Variants in ZBTB40 observed in about 807,000 individuals in gnomAD.
ZBTB40 encodes the protein zinc finger and BTB domain containing 40.
Under a neutral mutation model 117.5 loss-of-function variants are expected in ZBTB40, and 60 were observed. That is an observed-to-expected ratio of 0.51 (90% CI 0.41 to 0.63). The LOEUF is 0.63. Ranked by LOEUF, ZBTB40 falls within the 30% of genes least tolerant of loss-of-function variation. The pLI is 0.00. For missense variants in ZBTB40, 1,287 were observed against 1,498.5 expected (o/e 0.86, Z 2.33); for synonymous variants, 525 against 577.1 (o/e 0.91, Z 1.29).
In ZBTB40 at chr1:22,522,384, G is replaced by C. The variant is rs1366081174; in HGVS notation, c.3219G>C (p.Lys1073Asn). Residue 1073 changes from lysine to asparagine, a missense_variant, in exon 16 of 18, where the codon AAG becomes AAC. Physicochemically the swap from Lys to Asn is moderately conservative, Grantham distance 94 (BLOSUM62 0). Transcript: ENST00000375647. ...TCTTTATGCACTTCACAGATATGAA[G>C]TTCCATGAATGTGACCAGTGTAAGG... ...KHIKAEHADM[K>N]FHECDQCKEL... is the part of the protein sequence containing the mutation. 3 of 1,614,062 alleles carry C rather than the reference G, an allele frequency of 1.9e-6. No individual in the cohort carries two copies. In the African/African-American group the frequency reaches 4.0e-5, roughly 22 times the overall value.
chr1:22,471,775 C>T (rs1208688955), intron 1 of ZBTB40, among the ~76,000 whole-genome samples: 1 of 152,208 alleles, frequency 6.6e-6, no homozygotes, highest in Admixed American at 6.5e-5. Context: ...ACACATGACA[C>T]CTGACAGTGG....
intron 1 of ZBTB40, among the ~76,000 whole-genome samples, chr1:22,436,436 C>T (rs1023936292): frequency 7.2e-5 from 11 of 152,188 alleles, no homozygotes; most frequent in East Asian, 3.9e-4. Flanking sequence ...CGCTTGAACC[C>T]GGGAGGCGGA....
At chr1:22,450,810 C>CA (rs140776404), upstream of ZBTB40, among the ~76,000 whole-genome samples, 1,353 of 152,234 alleles carry the variant, frequency 8.9e-3, 10 homozygotes, top group African/African-American at 0.031. Context: ...AGACAGCTCT[C>CA]AGAACGACTG....
At chr1:22,438,835 T>G (rs375114190) in intron 1 of ZBTB40, among the ~76,000 whole-genome samples, 9 of 152,266 alleles carry the variant, frequency 5.9e-5, no homozygotes, top group African/African-American at 2.2e-4. Context: ...TAGAGAAATA[T>G]TCTTTTGCCC....
chr1:22,466,775 T>C (rs969716360), intron 1 of ZBTB40, among the ~76,000 whole-genome samples: 1 of 151,416 alleles, frequency 6.6e-6, no homozygotes, highest in Non-Finnish European at 1.5e-5. Flanking sequence ...TTCCGGATAC[T>C]AGATTCTGGT....
intron 3 of ZBTB40, among the ~76,000 whole-genome samples, chr1:22,494,455 TC>T (rs1356251819): frequency 6.6e-6 from 1 of 152,190 alleles, no homozygotes; most frequent in Non-Finnish European, 1.5e-5. Flanking sequence ...AATGTATACC[TC>T]CAGAACTCAT....
chr1:22,499,672 A>T (rs1638873627), intron 3 of ZBTB40, among the ~76,000 whole-genome samples: 1 of 152,202 alleles, frequency 6.6e-6, no homozygotes, highest in African/African-American at 2.4e-5. Context: ...GTACTTTTGG[A>T]GATGACTGAA....
At chr1:22,483,882 A>G (rs892368991) in intron 1 of ZBTB40, among the ~76,000 whole-genome samples, 2 of 152,154 alleles carry the variant, frequency 1.3e-5, no homozygotes, top group Non-Finnish European at 2.9e-5. Flanking sequence ...ATAATTTTGT[A>G]TTTTACATAT....
intron 1 of ZBTB40, among the ~76,000 whole-genome samples, chr1:22,462,870 T>G (rs1157764205): frequency 6.6e-6 from 1 of 152,220 alleles, no homozygotes; most frequent in African/African-American, 2.4e-5. Flanking sequence ...TTTAAAAAAA[T>G]TATGTGACAT....
chr1:22,519,570 C>T (rs1639465020), intron 13 of ZBTB40: 2 of 230,698 alleles, frequency 8.7e-6, no homozygotes, highest in Non-Finnish European at 1.7e-5. Context: ...TCATAGAGCA[C>T]TCATTATGCT....
In ZBTB40 at chr1:22,506,211, C is replaced by G; in HGVS notation, c.1330C>G (p.Gln444Glu). The change falls in exon 6 of 18, where the codon CAG (glutamine) becomes GAG (glutamate). Residue 444 changes from glutamine (Q) to glutamate (E), a missense_variant. Gln to Glu is a conservative substitution (Grantham distance 29). This residue lies in a region of ZBTB40 where 870 missense variants were observed against 934.4 expected (regional missense o/e 0.93). Coordinates refer to ENST00000375647, the MANE Select transcript of ZBTB40 (RefSeq NM_014870.4). Reference protein sequence around the residue: ...PNLGLLLEKLQKSATLPSTTV... With the variant: ...PNLGLLLEKLEKSATLPSTTV... ...CCTGGGCCTTCTGCTAGAGAAGTTG[C>G]AGAAATCAGCCACTTTGCCAAGCAC... 1 of 1,614,180 alleles carries G rather than the reference C, an allele frequency of 6.2e-7. No homozygotes were observed. The highest frequency in any genetic ancestry group is 8.5e-7 in the Non-Finnish European group (1 of 1,180,032).
chr1:22,501,548 G>A lies in ZBTB40; in HGVS notation c.888G>A (p.Leu296=), dbSNP rs1638938274. The A allele has an allele frequency of 8.7e-6, 14 of 1,614,144 alleles. No individual in the cohort carries two copies. Among genetic ancestry groups the A allele is most frequent in the Non-Finnish European group, 1.2e-5 (14 of 1,180,016 alleles). ...EGGHSAFQRI[L]GKVREESLDV... is the part of the protein sequence containing the mutation. ...GACATTCAGCATTCCAGAGAATCCTGGGTAAAGTAAGAGAGGAAAGCCTGG... is the reference window on the plus strand; with the variant it reads ...GACATTCAGCATTCCAGAGAATCCTAGGTAAAGTAAGAGAGGAAAGCCTGG... Residue 296 remains leucine, a synonymous_variant, in exon 4 of 18, where the codon CTG becomes CTA. Transcript: ENST00000375647.
intron 1 of ZBTB40, among the ~76,000 whole-genome samples, chr1:22,483,078 CAAA>C (rs35793167): frequency 3.9e-5 from 5 of 129,114 alleles, no homozygotes; most frequent in Admixed American, 7.5e-5. Flanking sequence ...GACTCCGTCT[CAAA>C]AAAAAAAAAA....
At chr1:22,429,920 C>T (rs1251962264) in intron 1 of ZBTB40, among the ~76,000 whole-genome samples, 2 of 152,050 alleles carry the variant, frequency 1.3e-5, no homozygotes, top group East Asian at 1.9e-4. Flanking sequence ...GCTTGAACCC[C>T]GGGAGGCGGA....
rs781522611 is a variant in ZBTB40, at chr1:22,526,237, G to A, written c.3561G>A (p.Glu1187=). The change falls in exon 18 of 18, where the codon GAG becomes GAA. Residue 1187 remains glutamate (E), a synonymous_variant. Transcript: ENST00000375647. ...IQTPEPVAPT[E]QVITLEETQL... ...CCCCAGAGCCGGTGGCCCCGACAGA[G>A]CAGGTGATCACTTTGGAGGAGACCC... The A allele has an allele frequency of 8.7e-6, 14 of 1,614,090 alleles. No homozygotes were observed. The highest frequency in any genetic ancestry group is 1.2e-5 in the Non-Finnish European group (14 of 1,180,050).
chr1:22,497,922 T>C (rs1461924058), intron 3 of ZBTB40, among the ~76,000 whole-genome samples: 1 of 152,160 alleles, frequency 6.6e-6, no homozygotes, highest in African/African-American at 2.4e-5. Context: ...TCTCTATCAT[T>C]ATTGCCATCA....
intron 1 of ZBTB40, among the ~76,000 whole-genome samples, chr1:22,438,313 T>C (rs577425999): frequency 3.1e-4 from 47 of 151,240 alleles, no homozygotes; most frequent in African/African-American, 1.0e-3. Context: ...CTTAACATAA[T>C]GTCTTCAAGT....
intron 1 of ZBTB40, among the ~76,000 whole-genome samples, chr1:22,485,187 C>T (rs1638431858): frequency 6.6e-6 from 1 of 152,108 alleles, no homozygotes; most frequent in African/African-American, 2.4e-5. Flanking sequence ...ATTCCCTCTG[C>T]TTCTATCTTC....
chr1:22,493,695 G>A (rs962220101), intron 3 of ZBTB40, among the ~76,000 whole-genome samples: 3 of 151,784 alleles, frequency 2.0e-5, no homozygotes, highest in Non-Finnish European at 4.4e-5. Context: ...GTCACTGTAC[G>A]TAAGTTTGTA....
Sources: gnomAD v4.1 joint callset for allele counts (sites outside exome capture counted in the v4.1 genomes callset) on GRCh38, gnomAD v4.1.1 for gene constraint, gnomAD v4.1.1 regional missense constraint, MANE v1.5 for transcripts, NCBI Gene and HGNC (gene_info 2026-07-23, HGNC 2026-07-21) for gene names.